The following CMTR1 variants were observed in gnomAD, a reference collection of about 807,000 sequenced individuals.
CMTR1 encodes cap-specific mRNA (nucleoside-2'-O-)-methyltransferase 1.
CMTR1 carries 39 observed loss-of-function variants against 107.0 expected under a neutral mutation model. The ratio of observed to expected loss-of-function variants is 0.36; its 90% CI spans 0.28 to 0.48. The LOEUF (loss-of-function observed/expected upper bound fraction) is 0.48, where lower values mean the gene tolerates loss of function less well. Ranked by LOEUF, CMTR1 falls within the 20% of genes least tolerant of loss-of-function variation. CMTR1 has a pLI of 0.99. For missense variants in CMTR1, 672 were observed against 1,064.9 expected, an observed-to-expected ratio of 0.63 and a Z score of 5.14; for synonymous variants, 366 against 379.5, an observed-to-expected ratio of 0.96 and a Z score of 0.41.
rs975315180 is a variant in CMTR1, at chr6:37,480,518, T to C, written c.*373T>C. On this transcript the variant is annotated 3_prime_UTR_variant, in exon 24 of 24. Transcript: ENST00000373451. ...CATCCTGTAGACTCACTTTTCTGAG[T>C]TCCATGCACTGCCCTGAGGGTAGCC... 2 of 1,085,266 alleles carry C rather than the reference T, an allele frequency of 1.8e-6. No individual in the cohort carries two copies. The highest frequency in any genetic ancestry group is 2.2e-6 in the Non-Finnish European group (2 of 893,740). 67.2% of individuals were successfully genotyped at this position (1,085,266 alleles called of 1,614,324 possible).
the CMTR1 span, among the ~76,000 whole-genome samples, chr6:37,425,971 T>A: frequency 6.6e-6 from 1 of 152,210 alleles, no homozygotes; most frequent in East Asian, 1.9e-4. Flanking sequence ...TGTTTTGTTG[T>A]CTTTTTTATT....
chr6:37,446,497 G>A (rs1562118369), intron 4 of CMTR1, 48 bp downstream of exon 4: 1 of 1,577,850 alleles, frequency 6.3e-7, no homozygotes, highest in South Asian at 1.1e-5. Context: ...TGTGTTTTTG[G>A]ATGCATGGCT....
chr6:37,428,638 A>C (rs1341583587), upstream of CMTR1, among the ~76,000 whole-genome samples: 1 of 151,984 alleles, frequency 6.6e-6, no homozygotes, highest in Non-Finnish European at 1.5e-5. Context: ...TTGTATTTTT[A>C]GTAGAGACGG....
intron 2 of CMTR1, among the ~76,000 whole-genome samples, chr6:37,437,197 T>C (rs1482556126): frequency 1.3e-5 from 2 of 151,224 alleles, no homozygotes; most frequent in Admixed American, 6.6e-5. Flanking sequence ...CTTAAAACAT[T>C]ATGAGATTTT....
At chr6:37,432,690 C>T (rs1453491532), upstream of CMTR1, among the ~76,000 whole-genome samples, 1 of 152,188 alleles carries the variant, frequency 6.6e-6, no homozygotes, top group Non-Finnish European at 1.5e-5. Context: ...TTTGAGGTGA[C>T]TGAGTGAGGA....
At position 37,458,867 on chromosome 6, in the gene CMTR1, T is replaced by C. The variant is rs1435564797; in HGVS notation, c.976+57T>C. ...TGAGGGACAGCCCCTCTATGGGGACTTCAGGTCAGAAGCAGTTGTTATCCA... is the reference window on the plus strand; with the variant it reads ...TGAGGGACAGCCCCTCTATGGGGACCTCAGGTCAGAAGCAGTTGTTATCCA... On this transcript the variant is annotated intron_variant, in intron 9 of 23. Coordinates refer to ENST00000373451, the MANE Select transcript of CMTR1 (RefSeq NM_015050.3). This position sits in a 1 kb window ranked among gnomAD's most constrained non-coding sequence, Gnocchi z 4.7. 6.6e-7 allele frequency: 1 copy of C among 1,522,020 alleles called. No homozygotes were observed. Among genetic ancestry groups the C allele is most frequent in the Non-Finnish European group, 9.1e-7 (1 of 1,103,148 alleles). The allele number at this position is 1,522,020 out of a possible 1,614,324, so 94.3% of individuals were successfully genotyped here.
intron 8 of CMTR1, among the ~76,000 whole-genome samples, chr6:37,456,059 T>C (rs1422401482): frequency 6.6e-6 from 1 of 152,208 alleles, no homozygotes; most frequent in Non-Finnish European, 1.5e-5. Context: ...AACGAGGTCA[T>C]ATTCATGCCC....
At chr6:37,466,501 A>T (rs1269809469) in intron 13 of CMTR1, among the ~76,000 whole-genome samples, 1 of 152,154 alleles carries the variant, frequency 6.6e-6, no homozygotes, top group Non-Finnish European at 1.5e-5. Flanking sequence ...TGTATAGAGT[A>T]TTAGGTAAGG....
chr6:37,453,219 T>C (rs1461239233), intron 7 of CMTR1, 21 bp from the exon 8 acceptor site: 8 of 1,614,038 alleles, frequency 5.0e-6, no homozygotes, highest in East Asian at 4.5e-5. Flanking sequence ...TCTAGTACTT[T>C]TCTGTCTTGC....
At chr6:37,475,892 A>G (rs1416330627) in intron 19 of CMTR1, 22 of 548,498 alleles carry the variant, frequency 4.0e-5, no homozygotes, top group South Asian at 1.8e-4. Context: ...CTTCAGGAAA[A>G]CCAACCGACA....
chr6:37,469,120 G>T (rs757744524), intron 13 of CMTR1, among the ~76,000 whole-genome samples: 2 of 151,892 alleles, frequency 1.3e-5, no homozygotes, highest in Non-Finnish European at 2.9e-5. Flanking sequence ...GGGTGATAGA[G>T]TCAGACTCTG....
At chr6:37,447,112 A>C (rs1213408316) in intron 4 of CMTR1, among the ~76,000 whole-genome samples, 1 of 152,240 alleles carries the variant, frequency 6.6e-6, no homozygotes, top group African/African-American at 2.4e-5. Context: ...AACACCTAAA[A>C]ATAACATTGA....
At chr6:37,437,488 C>G (rs976929582) in intron 2 of CMTR1, among the ~76,000 whole-genome samples, 1 of 138,514 alleles carries the variant, frequency 7.2e-6, no homozygotes, top group Non-Finnish European at 1.5e-5. Flanking sequence ...GATTGTGCCA[C>G]TGCACTACAC....
chr6:37,453,983 A>G (rs954977152), intron 8 of CMTR1, among the ~76,000 whole-genome samples: 1 of 152,340 alleles, frequency 6.6e-6, no homozygotes, highest in Middle Eastern at 3.4e-3. Flanking sequence ...GATCATAATT[A>G]TAAGGCTTTG....
At chr6:37,474,474 T>G (rs751716585) in intron 17 of CMTR1, 50 bp from the exon 18 acceptor site, 1 of 1,606,954 alleles carries the variant, frequency 6.2e-7, no homozygotes, top group Non-Finnish European at 8.5e-7. Flanking sequence ...AAGCCTCTTA[T>G]CCCTCGATCT....
intron 2 of CMTR1, among the ~76,000 whole-genome samples, chr6:37,439,764 G>A (rs1051963403): frequency 6.6e-6 from 1 of 152,148 alleles, no homozygotes; most frequent in African/African-American, 2.4e-5. Context: ...TTAGCGGTTG[G>A]AGCTGCCCCT....
intron 3 of CMTR1, 126 bp from the exon 4 acceptor site, chr6:37,446,164 CT>C: frequency 1.9e-6 from 2 of 1,048,598 alleles, no homozygotes; most frequent in Non-Finnish European, 2.8e-6. Context: ...CTTCATTAGG[CT>C]AAGACAAACT....
At chr6:37,468,062 G>A (rs1761543166) in intron 13 of CMTR1, among the ~76,000 whole-genome samples, 1 of 145,800 alleles carries the variant, frequency 6.9e-6, no homozygotes, top group Non-Finnish European at 1.5e-5. Flanking sequence ...TGTGGGGGGG[G>A]GGACTAATTC....
At chr6:37,461,485 G>A in intron 10 of CMTR1, 64 bp from the exon 11 acceptor site, 1 of 837,060 alleles carries the variant, frequency 1.2e-6, no homozygotes, top group Non-Finnish European at 2.0e-6. Context: ...AGATGAGGTA[G>A]TGATGTTATT....
Sources: allele counts gnomAD v4.1 joint callset (sites outside exome capture counted in the v4.1 genomes callset), GRCh38; gene constraint gnomAD v4.1.1; non-coding constraint Gnocchi (gnomAD v3.1); transcripts MANE v1.5; gene names NCBI Gene and HGNC (gene_info 2026-07-23, HGNC 2026-07-21).